Variants in SNAP23 observed in about 807,000 individuals in gnomAD.
The protein encoded by SNAP23 is synaptosome associated protein 23, also known as synaptosomal-associated protein 23.
In SNAP23, 11 loss-of-function variants were observed where a neutral mutation model predicts 29.0. That is an observed-to-expected ratio of 0.38 (90% CI 0.24 to 0.63). The LOEUF (loss-of-function observed/expected upper bound fraction) is 0.63. Among genes scored for constraint, SNAP23 ranks in the 20% least tolerant of loss-of-function variants. SNAP23 has a pLI of 0.58. For missense variants in SNAP23, 220 were observed against 253.9 expected, an observed-to-expected ratio of 0.87 and a Z score of 0.91; for synonymous variants, 60 against 82.9, an observed-to-expected ratio of 0.72 and a Z score of 1.50.
intron 2 of SNAP23, 112 bp from the exon 3 acceptor site, chr15:42,512,843 C>T: frequency 2.7e-6 from 2 of 752,798 alleles, no homozygotes; most frequent in East Asian, 2.6e-5. Context: ...AGCCACTGTG[C>T]CCGGCCTGAG....
intron 1 of SNAP23, among the ~76,000 whole-genome samples, chr15:42,506,795 C>T (rs573308784): frequency 2.6e-5 from 4 of 151,090 alleles, no homozygotes; most frequent in South Asian, 2.1e-4. Flanking sequence ...GTTAAGGGGG[C>T]GGTGGATACA....
intron 1 of SNAP23, among the ~76,000 whole-genome samples, chr15:42,508,157 CA>C (rs1175075814): frequency 6.6e-6 from 1 of 151,020 alleles, no homozygotes; most frequent in African/African-American, 2.4e-5. Flanking sequence ...CCCAGCTATT[CA>C]GGGGGCTAAA....
intron 5 of SNAP23, among the ~76,000 whole-genome samples, chr15:42,523,669 T>C (rs2057469364): frequency 6.6e-6 from 1 of 152,224 alleles, no homozygotes; most frequent in Non-Finnish European, 1.5e-5. Flanking sequence ...GTATTGTTAT[T>C]ATCCTAGTTT....
intron 1 of SNAP23, chr15:42,505,204 C>T (rs574240153): frequency 3.3e-5 from 5 of 151,966 alleles, no homozygotes; most frequent in South Asian, 4.2e-4. Context: ...AAGCCACAGA[C>T]GTGCACTACT....
chr15:42,500,686 G>A (rs996221065), intron 1 of SNAP23, among the ~76,000 whole-genome samples: 2 of 151,046 alleles, frequency 1.3e-5, no homozygotes, highest in South Asian at 2.1e-4. Flanking sequence ...CACCTCACCC[G>A]GCCAGGACTG....
chr15:42,507,737 A>G (rs1282122815), intron 1 of SNAP23, among the ~76,000 whole-genome samples: 1 of 152,202 alleles, frequency 6.6e-6, no homozygotes, highest in Non-Finnish European at 1.5e-5. Context: ...TCGTCTCAGC[A>G]AACTTACAAA....
chr15:42,519,376 TC>T (rs201986285), intron 5 of SNAP23, among the ~76,000 whole-genome samples: 10 of 149,768 alleles, frequency 6.7e-5, no homozygotes, highest in African/African-American at 2.5e-4. Flanking sequence ...CTTTTCTTTT[TC>T]TTTTTTTTTT....
intron 1 of SNAP23, among the ~76,000 whole-genome samples, chr15:42,502,700 T>C (rs1391459773): frequency 6.6e-6 from 1 of 152,218 alleles, no homozygotes; most frequent in Admixed American, 6.5e-5. Context: ...TCTTCCTGGG[T>C]AGATTGCCAG....
intron 1 of SNAP23, among the ~76,000 whole-genome samples, chr15:42,498,088 G>A (rs546326843): frequency 1.3e-5 from 2 of 152,342 alleles, no homozygotes; most frequent in South Asian, 2.1e-4. Flanking sequence ...GCTCTGCTGG[G>A]CTGGCATTGA....
chr15:42,515,089 C>T (rs888872088), intron 4 of SNAP23, 148 bp from the exon 5 acceptor site: 4 of 578,314 alleles, frequency 6.9e-6, no homozygotes, highest in East Asian at 2.9e-5. Flanking sequence ...CATGTTGAAT[C>T]GCTTCTAATA....
At chr15:42,511,021 T>C (rs1425837143) in intron 1 of SNAP23, among the ~76,000 whole-genome samples, 1 of 152,228 alleles carries the variant, frequency 6.6e-6, no homozygotes, top group Admixed American at 6.5e-5. Context: ...CATACAAAGC[T>C]AGCAAATGTA....
chr15:42,519,654 G>T (rs149862821), intron 5 of SNAP23, among the ~76,000 whole-genome samples: 182 of 152,196 alleles, frequency 1.2e-3, no homozygotes, highest in African/African-American at 4.0e-3. Context: ...ACAGGCATGA[G>T]CCACCGTACC....
chr15:42,529,077 A>T (rs141920624), intron 6 of SNAP23, among the ~76,000 whole-genome samples: 2 of 152,338 alleles, frequency 1.3e-5, no homozygotes, highest in East Asian at 3.9e-4. Flanking sequence ...CGAGCCAGAG[A>T]GTTAATATTT....
intron 5 of SNAP23, among the ~76,000 whole-genome samples, chr15:42,523,201 T>TA (rs1178487797): frequency 6.6e-6 from 1 of 151,750 alleles, no homozygotes; most frequent in Admixed American, 6.6e-5. Flanking sequence ...AGGTTCCAGT[T>TA]AAAGACTATT....
At chr15:42,497,204 A>ATTT (rs1192101985) in intron 1 of SNAP23, among the ~76,000 whole-genome samples, 1 of 104,286 alleles carries the variant, frequency 9.6e-6, no homozygotes, top group African/African-American at 3.9e-5. Flanking sequence ...AACCTGGCTA[A>ATTT]TTTTTTTTTT....
chr15:42,511,199 T>C (rs2057355940), intron 1 of SNAP23, among the ~76,000 whole-genome samples: 1 of 152,212 alleles, frequency 6.6e-6, no homozygotes, highest in Non-Finnish European at 1.5e-5. Context: ...GAATAATTGT[T>C]TGGTTTCTTA....
intron 5 of SNAP23, among the ~76,000 whole-genome samples, chr15:42,527,510 C>T (rs180957495): frequency 6.6e-4 from 100 of 152,122 alleles, no homozygotes; most frequent in Non-Finnish European, 1.1e-3. Flanking sequence ...CTCAGCCTCT[C>T]GAGTAGCTGG....
chr15:42,523,818 GTTTGTTTGTTTA>G (rs1326711852), intron 5 of SNAP23, among the ~76,000 whole-genome samples: 1 of 151,956 alleles, frequency 6.6e-6, no homozygotes, highest in Non-Finnish European at 1.5e-5. Flanking sequence ...TTGTTTGTTT[GTTTGTTTGTTTA>G]TTTTTAGATG....
At chr15:42,518,432 CTTTTTTT>C (rs1163801630) in intron 5 of SNAP23, among the ~76,000 whole-genome samples, 1 of 128,686 alleles carries the variant, frequency 7.8e-6, no homozygotes, top group African/African-American at 3.6e-5. Context: ...TTTTCTTTCT[CTTTTTTT>C]TTTTTTTTTT....
Sources: gnomAD v4.1 joint callset for allele counts (sites outside exome capture counted in the v4.1 genomes callset) on GRCh38, gnomAD v4.1.1 for gene constraint, MANE v1.5 for transcripts, NCBI Gene and HGNC (gene_info 2026-07-23, HGNC 2026-07-21) for gene names.